Variants in ANO8 observed in about 807,000 individuals in gnomAD.
The protein encoded by ANO8 is anoctamin-8.
In ANO8, 67 loss-of-function variants were observed where a neutral mutation model predicts 120.4. The ratio of observed to expected loss-of-function variants is 0.56; its 90% CI spans 0.46 to 0.68. ANO8 has a LOEUF of 0.68. Ranked by LOEUF, ANO8 falls within the 30% of genes least tolerant of loss-of-function variation. ANO8 has a pLI of 0.00. For missense variants in ANO8, 1,526 were observed against 1,737.6 expected (o/e 0.88, Z 2.16); for synonymous variants, 727 against 759.2 (o/e 0.96, Z 0.70).
In ANO8 at chr19:17,325,028, C is replaced by T. The variant is rs1158486704; in HGVS notation, c.3020G>A (p.Arg1007Gln). The change falls in exon 17 of 18, where the codon CGG becomes CAG. Residue 1007 changes from arginine (R) to glutamine (Q), a missense_variant. This residue lies in a region of ANO8 where 489 missense variants were observed against 548.6 expected (regional missense o/e 0.89). Coordinates refer to ENST00000159087, the MANE Select transcript of ANO8 (RefSeq NM_020959.3). ...LAAAGAGATT[R>Q]PPPAQSPTGS... ...TGTGGGTGACTGGGCAGGGGGAGGCCGGGTGGTGGCTCCGGCCCCTGCAGC... is the reference window on the plus strand; with the variant it reads ...TGTGGGTGACTGGGCAGGGGGAGGCTGGGTGGTGGCTCCGGCCCCTGCAGC... 1.2e-5 allele frequency: 20 copies of T among 1,612,806 alleles called. No homozygotes were observed. The highest frequency in any genetic ancestry group is 4.0e-5 in the African/African-American group (3 of 74,906).
intron 13 of ANO8, 114 bp downstream of exon 13, chr19:17,328,048 C>T: frequency 7.3e-7 from 1 of 1,362,566 alleles, no homozygotes; most frequent in Non-Finnish European, 9.8e-7. Flanking sequence ...CTGCAGCATC[C>T]CAACATCAAT....
At chr19:17,329,643 G>C in intron 12 of ANO8, 114 bp downstream of exon 12, 1 of 745,088 alleles carries the variant, frequency 1.3e-6, no homozygotes, top group Non-Finnish European at 2.3e-6. Context: ...CAGGAGAGAA[G>C]GATGGAGGAG....
chr19:17,325,238 A>C lies in ANO8; in HGVS notation c.2810T>G (p.Leu937Arg). The C allele has an allele frequency of 6.2e-7, 1 of 1,610,854 alleles. No homozygotes were observed. Among genetic ancestry groups the C allele is most frequent in the East Asian group, 2.2e-5 (1 of 44,874 alleles). The stretch of plus-strand genomic sequence containing the variant: ...CTTCTCGGAGGAGGTGGCAGGGTCC[A>C]GCCCAGAGCCCTCGGCCCTCGCCTC... Reference protein sequence around the residue: ...REEARAEGSGLDPATSSEKAS... With the variant: ...REEARAEGSGRDPATSSEKAS... Residue 937 changes from leucine to arginine, a missense_variant, in exon 17 of 18, where the codon CTG (leucine) becomes CGG (arginine). By Grantham distance (102) the Leu-to-Arg change is moderately radical. Coordinates refer to ENST00000159087, the MANE Select transcript of ANO8 (RefSeq NM_020959.3).
chr19:17,330,503 C>T lies in ANO8; in HGVS notation c.995G>A (p.Gly332Asp). The T allele has an allele frequency of 6.6e-7, 1 of 1,511,952 alleles. No homozygotes were observed. The highest frequency in any genetic ancestry group is 8.9e-7 in the Non-Finnish European group (1 of 1,125,478). The allele number at this position is 1,511,952 out of a possible 1,614,324, so 93.7% of individuals were successfully genotyped here. A position where few individuals can be genotyped will look rare whatever the true frequency, so the allele number is the denominator to read the frequency against. ...CGTGATGGGGCTGATACGTCGCACG[C>T]CCTGATGGTGGGCAAAGACCGGGCC... ...AVEEPRPQFR[G>D]VRRISPITRA... Residue 332 changes from glycine to aspartate, a missense_variant and splice_region_variant, in exon 9 of 18, where the codon GGC becomes GAC. Gly to Asp is a moderately conservative substitution (Grantham distance 94). Coordinates refer to ENST00000159087, the MANE Select transcript of ANO8 (RefSeq NM_020959.3).
rs1237287112 is a variant in ANO8 at position 17,324,740 on chromosome 19, G to A, written c.3308C>T (p.Pro1103Leu). Reference sequence around the variant, plus strand: ...ACCTGAGCCTTCCTCTTCGGGCCGGGGGGCTTCCAGCTCCTCAGCCAGGGC... The same window carrying A: ...ACCTGAGCCTTCCTCTTCGGGCCGGAGGGCTTCCAGCTCCTCAGCCAGGGC... ...DEALAEELEAPRPEEEGSGTA... is the reference protein window; with the variant it reads ...DEALAEELEALRPEEEGSGTA... The change falls in exon 17 of 18, where the codon CCC (proline) becomes CTC (leucine). Residue 1103 changes from proline (P) to leucine (L), a missense_variant. Pro to Leu is a moderately conservative substitution (Grantham distance 98). This residue lies in a region of ANO8 where 489 missense variants were observed against 548.6 expected (regional missense o/e 0.89). Transcript: ENST00000159087. 1.3e-6 allele frequency: 2 copies of A among 1,528,848 alleles called. No individual in the cohort carries two copies. The highest frequency in any genetic ancestry group is 1.8e-6 in the Non-Finnish European group (2 of 1,141,470). 94.7% of individuals were successfully genotyped at this position (1,528,848 alleles called of 1,614,324 possible). A position where few individuals can be genotyped will look rare whatever the true frequency, so the allele number is the denominator to read the frequency against.
Position 17,328,232 on chromosome 19 carries a change from T to C in ANO8, c.2156A>G (p.Asp719Gly), listed in dbSNP as rs1568359630. The C allele has an allele frequency of 6.3e-7, 1 of 1,597,820 alleles. No individual in the cohort carries two copies. Among genetic ancestry groups the C allele is most frequent in the East Asian group, 2.3e-5 (1 of 44,442 alleles). The change falls in exon 13 of 18, where the codon GAC becomes GGC. Residue 719 changes from aspartate (D) to glycine (G), a missense_variant. Asp to Gly is a moderately conservative substitution (Grantham distance 94). This residue lies in a region of ANO8 where 467 missense variants were observed against 425.8 expected (regional missense o/e 1.10). Transcript: ENST00000159087. ...QRRQNRSSWI[D>G]PPEEEHSPQL... ...GGGCGAGTGTTCCTCCTCCGGCGGG[T>C]CAATCCAAGACGACCGGTTCTGCCG...
Position 17,328,115 on chromosome 19 carries a change from G to A in ANO8, c.2226+47C>T, listed in dbSNP as rs748280945. ...CCTTCACCCTCGGACGGTGTGTCCC[G>A]TCCCCGGCGAGGCCCCGCCCCCTGC... On this transcript the variant is annotated intron_variant, in intron 13 of 17. Transcript: ENST00000159087. 13 of 1,475,958 alleles carry A rather than the reference G, an allele frequency of 8.8e-6. No individual in the cohort carries two copies. The Admixed American group carries it at 2.9e-4, about 33-fold the overall frequency. 91.4% of individuals were successfully genotyped at this position (1,475,958 alleles called of 1,614,324 possible). A position where few individuals can be genotyped will look rare whatever the true frequency, so the allele number is the denominator to read the frequency against.
In ANO8 at chr19:17,328,213, G is replaced by A; in HGVS notation, c.2175C>T (p.His725=). ...SSWIDPPEEE[H]SPQLTQAELE... is the part of the protein sequence containing the mutation. ...GCTCTGCCTGGGTGAGCTGGGGCGA[G>A]TGTTCCTCCTCCGGCGGGTCAATCC... Residue 725 remains histidine (H), a synonymous_variant, in exon 13 of 18, where the codon CAC becomes CAT. Coordinates refer to ENST00000159087, the MANE Select transcript of ANO8 (RefSeq NM_020959.3). The A allele has an allele frequency of 1.2e-6, 2 of 1,604,548 alleles. No individual in the cohort carries two copies. Among genetic ancestry groups the A allele is most frequent in the Non-Finnish European group, 1.7e-6 (2 of 1,173,136 alleles).
At position 17,324,930 on chromosome 19, in the gene ANO8, C is replaced by CA. The variant is rs750812617; in HGVS notation, c.3117dup (p.Glu1040Ter). 6.2e-7 allele frequency: 1 copy of CA among 1,613,348 alleles called. No homozygotes were observed. ...GCTTTGGGCGGTGAGTGGCTGCGCT[C>CA]AGAGTCCCGCCGGGTCTCGGGTGAC... On this transcript the variant is annotated frameshift_variant, in exon 17 of 18. Transcript: ENST00000159087. LOFTEE classifies it high-confidence loss of function.
In ANO8 at chr19:17,328,011, T is replaced by G. The variant is rs2074284841; in HGVS notation, c.2227-131A>C. 3 of 1,391,394 alleles carry G rather than the reference T, an allele frequency of 2.2e-6. No individual in the cohort carries two copies. In the South Asian group the frequency reaches 4.2e-5, roughly 20 times the overall value. 86.2% of individuals were successfully genotyped at this position (1,391,394 alleles called of 1,614,324 possible). On this transcript the variant is annotated intron_variant, in intron 13 of 17. Transcript: ENST00000159087. The stretch of plus-strand genomic sequence containing the variant: ...CCCATCCTCAGCCAGCCCAGAGGCT[T>G]CCTGTATCTGGCTAGGCCTTCCTCT...
At chr19:17,331,439 C>A (rs1213635154) in intron 5 of ANO8, 28 bp from the exon 6 acceptor site, 1 of 1,598,214 alleles carries the variant, frequency 6.3e-7, no homozygotes. Flanking sequence ...CAGGTGATCC[C>A]CGCCCCTCCA....
chr19:17,324,829 G>T lies in ANO8; in HGVS notation c.3219C>A (p.Ala1073=). 3 of 1,610,816 alleles carry T rather than the reference G, an allele frequency of 1.9e-6. No individual in the cohort carries two copies. Among genetic ancestry groups the T allele is most frequent in the Non-Finnish European group, 2.5e-6 (3 of 1,178,712 alleles). ...EPGSNGAGGQ[A]RPDGTPSSGS... is the part of the protein sequence containing the mutation. ...CACTGCTGGGGGTCCCATCTGGCCG[G>T]GCCTGCCCGCCCGCCCCGTTGGACC... The change falls in exon 17 of 18, where the codon GCC becomes GCA. Residue 1073 remains alanine (A), a synonymous_variant. Transcript: ENST00000159087.
At chr19:17,328,119 C>CGG in intron 13 of ANO8, 43 bp downstream of exon 13, 4 of 1,483,414 alleles carry the variant, frequency 2.7e-6, no homozygotes, top group Non-Finnish European at 3.6e-6. Flanking sequence ...TGTCCCGTCC[C>CGG]CGGCGAGGCC....
At chr19:17,331,522 T>A (rs1391562741) in intron 5 of ANO8, 111 bp from the exon 6 acceptor site, 7 of 892,096 alleles carry the variant, frequency 7.8e-6, no homozygotes, top group Admixed American at 1.9e-5. Flanking sequence ...CTTAAACCTC[T>A]AGAGCTCTTT....
chr19:17,326,209 A>ACAGAACC (rs1491115917), intron 16 of ANO8, among the ~76,000 whole-genome samples: 2 of 152,176 alleles, frequency 1.3e-5, no homozygotes, highest in Admixed American at 1.3e-4. Flanking sequence ...CAGGCAAGAG[A>ACAGAACC]CAGAACCGTG....
In ANO8 at chr19:17,333,683, T is replaced by C. The variant is rs1270360434; in HGVS notation, c.217+7A>G. On this transcript the variant is annotated splice_region_variant and intron_variant, in intron 2 of 17. Transcript: ENST00000159087. This position sits in a 1 kb window ranked among gnomAD's most constrained non-coding sequence, Gnocchi z 7.2. Reference sequence around the variant, plus strand: ...CACTGGGCGGGCGGGCGGGCGGGCTTGGGTACCTGGGAAGGTCATCAGCAC... The same window carrying C: ...CACTGGGCGGGCGGGCGGGCGGGCTCGGGTACCTGGGAAGGTCATCAGCAC... The C allele has an allele frequency of 6.3e-7, 1 of 1,576,732 alleles. No homozygotes were observed. Among genetic ancestry groups the C allele is most frequent in the Non-Finnish European group, 8.6e-7 (1 of 1,163,808 alleles).
Position 17,333,078 on chromosome 19 carries a change from CG to C in ANO8, c.489+22del. On this transcript the variant is annotated intron_variant, in intron 4 of 17. Transcript: ENST00000159087. The surrounding 1 kb of genome is among the most constrained non-coding windows in gnomAD (Gnocchi z 7.2). Reference sequence around the variant, plus strand: ...GGAACTCATAGGCACAGGATGCATGCGGGGGCCCAGAGCCGGCCTCACCTGG... The same window carrying C: ...GGAACTCATAGGCACAGGATGCATGCGGGGCCCAGAGCCGGCCTCACCTGG... 1 of 1,613,634 alleles carries C rather than the reference CG, an allele frequency of 6.2e-7. No homozygotes were observed. The highest frequency in any genetic ancestry group is 8.5e-7 in the Non-Finnish European group (1 of 1,179,744).
At position 17,325,295 on chromosome 19, in the gene ANO8, G is replaced by C; in HGVS notation, c.2753C>G (p.Ala918Gly). The C allele has an allele frequency of 9.3e-6, 15 of 1,606,672 alleles. No homozygotes were observed. The highest frequency in any genetic ancestry group is 1.7e-5 in the Admixed American group (1 of 60,016). Residue 918 changes from alanine to glycine, a missense_variant, in exon 17 of 18, where the codon GCC becomes GGC. By Grantham distance (60) the Ala-to-Gly change is moderately conservative. Coordinates refer to ENST00000159087, the MANE Select transcript of ANO8 (RefSeq NM_020959.3). ...GCCACCAGAATCATGCTCCCGCCGG[G>C]CATGGTGCTCTGCATGGCGCTGTCG... ...EERQRHAEHHARREHDSGGRE... is the reference protein window; with the variant it reads ...EERQRHAEHHGRREHDSGGRE...
In ANO8 at chr19:17,328,621, C is replaced by CTCCTCGTCG. The variant is rs937925251; in HGVS notation, c.1758_1766dup (p.Asp586_Glu588dup). 1.3e-6 allele frequency: 2 copies of CTCCTCGTCG among 1,538,270 alleles called. No individual in the cohort carries two copies. The highest frequency in any genetic ancestry group is 2.8e-5 in the African/African-American group (2 of 72,572). On this transcript the variant is annotated inframe_insertion, in exon 13 of 18. Transcript: ENST00000159087. ...CCTCCTCTTCCTCCTCGTCCTCCTC[C>CTCCTCGTCG]TCCTCGTCGTCCTCGTCCTCCTCCT...
Sources: gnomAD v4.1 joint callset for allele counts (sites outside exome capture counted in the v4.1 genomes callset) on GRCh38, gnomAD v4.1.1 for gene constraint, gnomAD v4.1.1 regional missense constraint, Gnocchi (gnomAD v3.1) non-coding constraint, MANE v1.5 for transcripts, NCBI Gene and HGNC (gene_info 2026-07-23, HGNC 2026-07-21) for gene names.